The following NXN variants were observed in gnomAD, a reference collection of about 807,000 sequenced individuals.
NXN encodes nucleoredoxin, also known as nucleoredoxin 1.
A neutral mutation model predicts 48.6 loss-of-function variants in NXN; 16 were observed. That is an observed-to-expected ratio of 0.33 (90% confidence interval 0.22 to 0.50). NXN has a LOEUF of 0.50. Among genes scored for constraint, NXN ranks in the 20% least tolerant of loss-of-function variants. NXN has a pLI of 0.98. For missense variants in NXN, 492 were observed against 605.5 expected, an observed-to-expected ratio of 0.81 and a Z score of 1.97; for synonymous variants, 281 against 269.6, an observed-to-expected ratio of 1.04 and a Z score of -0.41.
chr17:812,631 G>A (rs1310117969), intron 5 of NXN, among the ~76,000 whole-genome samples: 5 of 149,248 alleles, frequency 3.4e-5, no homozygotes, highest in Non-Finnish European at 5.9e-5. Flanking sequence ...GGTGAGTGTA[G>A]GTGTGTGTGA....
At chr17:963,115 GAC>G (rs1260779953) in intron 1 of NXN, among the ~76,000 whole-genome samples, 2 of 150,418 alleles carry the variant, frequency 1.3e-5, no homozygotes, top group Non-Finnish European at 2.9e-5. Context: ...ACCCACCTGA[GAC>G]AGAAAAAGCA....
chr17:916,998 G>A (rs1226510472), intron 1 of NXN, among the ~76,000 whole-genome samples: 1 of 152,188 alleles, frequency 6.6e-6, no homozygotes, highest in African/African-American at 2.4e-5. Flanking sequence ...TATTTTTGGT[G>A]GGTCTTTATC....
chr17:870,916 T>C (rs1373029189), intron 1 of NXN, among the ~76,000 whole-genome samples: 1 of 151,920 alleles, frequency 6.6e-6, no homozygotes, highest in Non-Finnish European at 1.5e-5. Flanking sequence ...TGGAGTGCAG[T>C]GGTGCGATCT....
chr17:861,286 A>C (rs776345691), intron 1 of NXN, among the ~76,000 whole-genome samples: 3 of 152,110 alleles, frequency 2.0e-5, no homozygotes, highest in Non-Finnish European at 2.9e-5. Context: ...AACAAGTGCC[A>C]CTATGCTCGG....
chr17:806,680 A>G (rs998817468), intron 5 of NXN, among the ~76,000 whole-genome samples: 1 of 152,198 alleles, frequency 6.6e-6, no homozygotes, highest in Non-Finnish European at 1.5e-5. Context: ...GGATTCGGTC[A>G]GTAATTTGCT....
In NXN at chr17:920,223, A is replaced by G. The variant is rs2068732116; in HGVS notation, c.360+59096T>C. Reference sequence around the variant, plus strand: ...TCTACACCCCGAAATCCAACATTACAAACTTATCAATGCTGCCTCCTGTCA... The same window carrying G: ...TCTACACCCCGAAATCCAACATTACGAACTTATCAATGCTGCCTCCTGTCA... On this transcript the variant is annotated intron_variant, in intron 1 of 7. Coordinates refer to ENST00000336868, the MANE Select transcript of NXN (RefSeq NM_022463.5). This position sits in a 1 kb window ranked among gnomAD's most constrained non-coding sequence, Gnocchi z 4.6. 6.6e-6 allele frequency among the ~76,000 whole-genome samples: 1 copy of G among 152,096 alleles called. No homozygotes were observed. The highest frequency in any genetic ancestry group is 1.5e-5 in the Non-Finnish European group (1 of 68,024).
At chr17:814,852 G>A (rs760530217) in intron 5 of NXN, among the ~76,000 whole-genome samples, 9 of 149,884 alleles carry the variant, frequency 6.0e-5, no homozygotes, top group African/African-American at 9.8e-5. Context: ...TACAACCTCC[G>A]CCTCCCAGGT....
chr17:904,498 C>T (rs2068565868), intron 1 of NXN, among the ~76,000 whole-genome samples: 1 of 152,180 alleles, frequency 6.6e-6, no homozygotes, highest in Non-Finnish European at 1.5e-5. Context: ...TGACCCAACA[C>T]ATTCCCATCA....
rs1033061656 is a variant in NXN, at chr17:889,747, G to C, written c.361-63669C>G. ...AGAAAGAAAGAAAGAAAGAAAGAAA[G>C]AAAGAAAGAAAGAAAAAGAAAGAAA... On this transcript the variant is annotated intron_variant, in intron 1 of 7. Transcript: ENST00000336868. Among the ~76,000 whole-genome samples, 444 of 79,730 alleles carry C rather than the reference G, an allele frequency of 5.6e-3. 12 individuals carry two copies. Among genetic ancestry groups the C allele is most frequent in the African/African-American group, 0.022 (424 of 19,048 alleles). The allele number at this position is 79,730 out of a possible 152,430, so 52.3% of individuals were successfully genotyped here.
At chr17:888,667 G>T (rs1249608305) in intron 1 of NXN, among the ~76,000 whole-genome samples, 1 of 151,846 alleles carries the variant, frequency 6.6e-6, no homozygotes, top group Non-Finnish European at 1.5e-5. Flanking sequence ...CATAAAGATT[G>T]ACAGAGGCCA....
chr17:912,990 AAG>A (rs2068651672), intron 1 of NXN, among the ~76,000 whole-genome samples: 1 of 152,128 alleles, frequency 6.6e-6, no homozygotes, highest in African/African-American at 2.4e-5. Context: ...AAAAGAAAGA[AAG>A]AAAAGAAAAA....
At chr17:878,514 G>C (rs1016751657) in intron 1 of NXN, among the ~76,000 whole-genome samples, 3 of 135,274 alleles carry the variant, frequency 2.2e-5, no homozygotes, top group African/African-American at 8.3e-5. Flanking sequence ...TTGAAGGTGG[G>C]GTTTGGGGGC....
In NXN at chr17:917,084, C is replaced by T. The variant is rs12942654; in HGVS notation, c.360+62235G>A. ...ATACATGCTGAAGCTACAAATCAAACATCCGCTTTGCCTCCAACAAGATTC... is the reference window on the plus strand; with the variant it reads ...ATACATGCTGAAGCTACAAATCAAATATCCGCTTTGCCTCCAACAAGATTC... On this transcript the variant is annotated intron_variant, in intron 1 of 7. Transcript: ENST00000336868. The surrounding 1 kb of genome is among the most constrained non-coding windows in gnomAD (Gnocchi z 4.5). Among the ~76,000 whole-genome samples the T allele has an allele frequency of 0.26, 39,072 of 152,116 alleles. 6,075 individuals are homozygous for T. Among genetic ancestry groups the T allele is most frequent in the East Asian group, 0.43 (2,232 of 5,166 alleles).
chr17:944,278 CCT>C (rs1351295969), intron 1 of NXN, among the ~76,000 whole-genome samples: 1 of 152,152 alleles, frequency 6.6e-6, no homozygotes, highest in African/African-American at 2.4e-5. Context: ...AGCTACGCAG[CCT>C]GTTTATTAAG....
At chr17:979,265 A>AGGGGTAACGGGCGTGGGGGGCGGGCG in intron 1 of NXN, 54 bp downstream of exon 1, 1 of 805,346 alleles carries the variant, frequency 1.2e-6, no homozygotes, top group Non-Finnish European at 1.5e-6. Flanking sequence ...GGGGGCGGGC[A>AGGGGTAACGGGCGTGGGGGGCGGGCG]GGGGTAACGG....
intron 1 of NXN, among the ~76,000 whole-genome samples, chr17:937,044 C>T (rs985199258): frequency 6.6e-6 from 1 of 151,930 alleles, no homozygotes; most frequent in African/African-American, 2.4e-5. Flanking sequence ...CACAGTGAGA[C>T]TCTGCAGCCT....
chr17:979,312 C>G lies in NXN; in HGVS notation c.360+7G>C. ...GGGCAGGGGCCGGCGAGGCCCGCGC[C>G]GCTCACCTTCCTGTGCTTCTCCTTG... is the stretch of plus-strand genomic sequence containing the variant. On this transcript the variant is annotated splice_region_variant and intron_variant, in intron 1 of 7. Transcript: ENST00000336868. 4 of 1,509,856 alleles carry G rather than the reference C, an allele frequency of 2.6e-6. No homozygotes were observed. The highest frequency in any genetic ancestry group is 3.5e-6 in the Non-Finnish European group (4 of 1,132,190). 93.5% of individuals were successfully genotyped at this position (1,509,856 alleles called of 1,614,324 possible).
At chr17:925,928 A>G (rs1267909424) in intron 1 of NXN, among the ~76,000 whole-genome samples, 1 of 152,232 alleles carries the variant, frequency 6.6e-6, no homozygotes, top group Non-Finnish European at 1.5e-5. Context: ...GCTAAGAGCT[A>G]TCACTTCTTT....
rs2069517359 is a variant in NXN at position 979,751 on chromosome 17, C to G, written c.-73G>C. The G allele has an allele frequency of 8.2e-7, 1 of 1,213,270 alleles. No individual in the cohort carries two copies. The highest frequency in any genetic ancestry group is 1.0e-6 in the Non-Finnish European group (1 of 962,124). 75.2% of individuals were successfully genotyped at this position (1,213,270 alleles called of 1,614,324 possible). A position where few individuals can be genotyped will look rare whatever the true frequency, so the allele number is the denominator to read the frequency against. Reference sequence around the variant, plus strand: ...TCCGCGCGGCGGGAGGAGGCGGCGGCGTCGGCGGCAGGCGCTGGGGAGAGC... The same window carrying G: ...TCCGCGCGGCGGGAGGAGGCGGCGGGGTCGGCGGCAGGCGCTGGGGAGAGC... On this transcript the variant is annotated 5_prime_UTR_variant, in exon 1 of 8. Coordinates refer to ENST00000336868, the MANE Select transcript of NXN (RefSeq NM_022463.5).
Sources: gnomAD v4.1 joint callset for allele counts (sites outside exome capture counted in the v4.1 genomes callset) on GRCh38, gnomAD v4.1.1 for gene constraint, Gnocchi (gnomAD v3.1) non-coding constraint, MANE v1.5 for transcripts, NCBI Gene and HGNC (gene_info 2026-07-23, HGNC 2026-07-21) for gene names.